The following ANK2 variants were observed in gnomAD, a reference collection of about 807,000 sequenced individuals.
ANK2 encodes the protein ankyrin-2.
A neutral mutation model predicts 360.5 loss-of-function variants in ANK2; 83 were observed. The observed-to-expected ratio is 0.23, with a 90% CI of 0.19 to 0.28. The LOEUF (loss-of-function observed/expected upper bound fraction) is 0.28. ANK2 is among the 10% of genes least tolerant of loss of function. The probability of loss-of-function intolerance (pLI) is 1.00; values close to 1 mark genes in which losing one functional copy is unlikely to be tolerated. For missense variants in ANK2, 4,201 were observed against 4,795.7 expected, an observed-to-expected ratio of 0.88 and a Z score of 3.66; for synonymous variants, 1,740 against 1,759.5, an observed-to-expected ratio of 0.99 and a Z score of 0.28.
At chr4:113,292,268 G>A (rs1045467809) in intron 20 of ANK2, 148 bp from the exon 21 acceptor site, 60 of 759,926 alleles carry the variant, frequency 7.9e-5, no homozygotes, top group Non-Finnish European at 1.3e-4. Context: ...GTTTGCTGCT[G>A]AGAAATGGGT....
intron 21 of ANK2, chr4:113,293,164 A>T: frequency 1.8e-6 from 1 of 560,296 alleles, no homozygotes. Flanking sequence ...TATTTGTAGA[A>T]GATATTTGAC....
intron 9 of ANK2, among the ~76,000 whole-genome samples, chr4:113,245,908 A>T (rs2042631505): frequency 6.6e-6 from 1 of 151,848 alleles, no homozygotes; most frequent in African/African-American, 2.4e-5. Flanking sequence ...TGGTTCAAGC[A>T]ATTCTCCTAC....
the ANK2 span, among the ~76,000 whole-genome samples, chr4:112,715,375 G>A: frequency 1.3e-5 from 2 of 152,168 alleles, no homozygotes; most frequent in Non-Finnish European, 2.9e-5. Context: ...TATTCCATGG[G>A]AGGGATGGAT....
chr4:112,765,364 C>CT, the ANK2 span, among the ~76,000 whole-genome samples: 1 of 152,086 alleles, frequency 6.6e-6, no homozygotes, highest in Admixed American at 6.6e-5. Context: ...TTCCTCATCC[C>CT]TTTTTTTATG....
In ANK2 at chr4:112,829,553, C is replaced by A. The variant is rs1168124532; in HGVS notation, c.-40+11289C>A. 3.5e-5 allele frequency among the ~76,000 whole-genome samples: 5 copies of A among 143,556 alleles called. No homozygotes were observed. In the Admixed American group the frequency reaches 3.6e-4, roughly 10 times the overall value. 94.2% of individuals were successfully genotyped at this position (143,556 alleles called of 152,430 possible). A position where few individuals can be genotyped will look rare whatever the true frequency, so the allele number is the denominator to read the frequency against. On this transcript the variant is annotated intron_variant, in intron 1 of 30. Transcript: ENST00000503271. ...GAGAGACACTTCTCAAAAGAAGACACACAGGCGGCCAACAGGCATATGAAA... is the reference window on the plus strand; with the variant it reads ...GAGAGACACTTCTCAAAAGAAGACAAACAGGCGGCCAACAGGCATATGAAA...
At chr4:113,195,063 C>G (rs2098728440) in intron 2 of ANK2, among the ~76,000 whole-genome samples, 1 of 152,088 alleles carries the variant, frequency 6.6e-6, no homozygotes, top group Non-Finnish European at 1.5e-5. Context: ...CATAAATTTA[C>G]ATTTCAGTAG....
intron 2 of ANK2, among the ~76,000 whole-genome samples, chr4:113,009,899 G>A (rs1315863196): frequency 6.8e-6 from 1 of 146,662 alleles, no homozygotes; most frequent in Non-Finnish European, 1.5e-5. Context: ...TAGATTCTAT[G>A]TTTCCTAAGG....
At chr4:112,974,923 A>T (rs2040854523) in intron 2 of ANK2, among the ~76,000 whole-genome samples, 1 of 152,082 alleles carries the variant, frequency 6.6e-6, no homozygotes, top group South Asian at 2.1e-4. Flanking sequence ...GAAAGGGGAG[A>T]AAATGACATA....
chr4:113,059,462 C>A (rs1004337341), intron 1 of ANK2, among the ~76,000 whole-genome samples: 1 of 152,054 alleles, frequency 6.6e-6, no homozygotes, highest in African/African-American at 2.4e-5. Context: ...CACATATTAT[C>A]ATTTGTGTAG....
At chr4:113,329,690 G>A (rs1467454509) in intron 26 of ANK2, among the ~76,000 whole-genome samples, 1 of 152,110 alleles carries the variant, frequency 6.6e-6, no homozygotes, top group Non-Finnish European at 1.5e-5. Context: ...AATTAAATTA[G>A]TTCAATTCAA....
intron 1 of ANK2, among the ~76,000 whole-genome samples, chr4:112,837,663 A>G (rs551436838): frequency 1.3e-5 from 2 of 152,346 alleles, no homozygotes; most frequent in African/African-American, 4.8e-5. Flanking sequence ...CCCTTGCATC[A>G]GCATTCCCTG....
intron 1 of ANK2, among the ~76,000 whole-genome samples, chr4:112,826,126 A>C (rs2058362035): frequency 6.6e-6 from 1 of 152,150 alleles, no homozygotes; most frequent in Non-Finnish European, 1.5e-5. Context: ...CATATGCAAG[A>C]CCCTGTACTA....
At chr4:112,815,874 C>T (rs2055588234), upstream of ANK2, among the ~76,000 whole-genome samples, 2 of 152,218 alleles carry the variant, frequency 1.3e-5, no homozygotes, top group Non-Finnish European at 1.5e-5. Context: ...ACCTTACATG[C>T]CTTTTCATCT....
chr4:113,128,867 T>G (rs1425138438), intron 1 of ANK2, among the ~76,000 whole-genome samples: 3 of 152,228 alleles, frequency 2.0e-5, no homozygotes, highest in African/African-American at 7.2e-5. Context: ...ATGTATTTCC[T>G]ACCTCCCTTC....
intron 2 of ANK2, among the ~76,000 whole-genome samples, chr4:113,021,543 T>TATATATATATATATATATAC (rs1177369629): frequency 2.5e-5 from 1 of 40,700 alleles, no homozygotes; most frequent in African/African-American, 5.7e-5. Context: ...CACACAAACA[T>TATATATATATATATATATAC]ATATATATAT....
chr4:112,813,225 G>T, upstream of ANK2, among the ~76,000 whole-genome samples: 1 of 134,406 alleles, frequency 7.4e-6, no homozygotes, highest in Admixed American at 8.5e-5. Flanking sequence ...GCAACAGAGT[G>T]AGACTCTGTC....
chr4:112,996,558 C>T (rs1447216634), intron 2 of ANK2, among the ~76,000 whole-genome samples: 1 of 151,968 alleles, frequency 6.6e-6, no homozygotes, highest in African/African-American at 2.4e-5. Context: ...TTTCATTTAT[C>T]TTAATTCACA....
At position 113,357,263 on chromosome 4, in the gene ANK2, CA is replaced by C; in HGVS notation, c.8646del (p.Phe2883LeufsTer31). 6.2e-7 allele frequency: 1 copy of C among 1,614,016 alleles called. No individual in the cohort carries two copies. The highest frequency in any genetic ancestry group is 1.1e-5 in the South Asian group (1 of 91,076). ...ACAGAGGTCACAAAAACTGATGAAA[CA>C]TTTGAGAACTTACCAAAGGACTGCC... ...QKTEVTKTDE[T>X]FENLPKDCPS... On this transcript the variant is annotated frameshift_variant, in exon 38 of 46. Transcript: ENST00000357077. LOFTEE classifies it high-confidence loss of function.
At chr4:113,062,600 G>A (rs1047914966) in intron 1 of ANK2, among the ~76,000 whole-genome samples, 1 of 152,018 alleles carries the variant, frequency 6.6e-6, no homozygotes, top group African/African-American at 2.4e-5. Context: ...TTTATGAATT[G>A]CAGAAGTAAA....
Sources: gnomAD v4.1 joint callset for allele counts (sites outside exome capture counted in the v4.1 genomes callset) on GRCh38, gnomAD v4.1.1 for gene constraint, MANE v1.5 for transcripts, NCBI Gene and HGNC (gene_info 2026-07-23, HGNC 2026-07-21) for gene names.